DLGAP1: variants seen among roughly 807,000 people sequenced by gnomAD.
DLGAP1 encodes disks large-associated protein 1.
In DLGAP1, 11 loss-of-function variants were observed where a neutral mutation model predicts 90.8. The ratio of observed to expected loss-of-function variants is 0.12; its 90% CI spans 0.08 to 0.20. The LOEUF (loss-of-function observed/expected upper bound fraction) is 0.20. Ranked by LOEUF, DLGAP1 falls within the 10% of genes least tolerant of loss-of-function variation. The probability of loss-of-function intolerance (pLI) is 1.00; values close to 1 mark genes in which losing one functional copy is unlikely to be tolerated. For missense variants in DLGAP1, 1,050 were observed against 1,333.8 expected, an observed-to-expected ratio of 0.79 and a Z score of 3.31; for synonymous variants, 558 against 540.7, an observed-to-expected ratio of 1.03 and a Z score of -0.44.
intron 1 of DLGAP1, among the ~76,000 whole-genome samples, chr18:4,172,335 T>C (rs1179259355): frequency 1.3e-5 from 2 of 152,210 alleles, no homozygotes; most frequent in African/African-American, 4.8e-5. Flanking sequence ...GATAACTACA[T>C]AAATGCCAAT....
chr18:3,706,795 CAAGT>C (rs750416731), intron 7 of DLGAP1, among the ~76,000 whole-genome samples: 7 of 151,694 alleles, frequency 4.6e-5, no homozygotes, highest in Non-Finnish European at 8.8e-5. Flanking sequence ...TTACTAGGGG[CAAGT>C]AAGCAAGAAA....
chr18:3,587,599 C>T (rs1431989216), intron 7 of DLGAP1, among the ~76,000 whole-genome samples: 2 of 152,190 alleles, frequency 1.3e-5, no homozygotes, highest in African/African-American at 2.4e-5. Context: ...GCAGCAATCC[C>T]GCTTGGGTCC....
intron 7 of DLGAP1, among the ~76,000 whole-genome samples, chr18:3,617,969 G>A (rs747857811): frequency 8.5e-5 from 13 of 152,150 alleles, no homozygotes; most frequent in Non-Finnish European, 1.3e-4. Flanking sequence ...CCCGGGAGGC[G>A]GAGGTTGCTG....
intron 2 of DLGAP1, among the ~76,000 whole-genome samples, chr18:4,090,550 T>A (rs1190332507): frequency 6.6e-6 from 1 of 152,166 alleles, no homozygotes; most frequent in African/African-American, 2.4e-5. Flanking sequence ...TGAGATACCA[T>A]CTCATGCCAG....
At position 3,498,915 on chromosome 18, in the gene DLGAP1, A is replaced by G. The variant is rs757461241; in HGVS notation, c.*270T>C. The G allele has an allele frequency of 2.7e-5, 13 of 474,002 alleles. No individual in the cohort carries two copies. Among genetic ancestry groups the G allele is most frequent in the Admixed American group, 7.9e-5 (2 of 25,298 alleles). The allele number at this position is 474,002 out of a possible 1,614,324, so 29.4% of individuals were successfully genotyped here. On this transcript the variant is annotated 3_prime_UTR_variant, in exon 13 of 13. Coordinates refer to ENST00000315677, the MANE Select transcript of DLGAP1 (RefSeq NM_004746.4). ...GTGGGTTTGGCTTTGCCCAGAAAAT[A>G]AAGGGTTGGATCTCAGTATGAGGCA...
intron 4 of DLGAP1, among the ~76,000 whole-genome samples, chr18:3,818,416 G>A (rs1037196750): frequency 2.2e-5 from 3 of 134,178 alleles, no homozygotes; most frequent in Non-Finnish European, 4.6e-5. Flanking sequence ...CTGGAGTGCA[G>A]TGGCGTGATC....
At chr18:3,808,982 T>C (rs1439315887) in intron 5 of DLGAP1, among the ~76,000 whole-genome samples, 1 of 152,224 alleles carries the variant, frequency 6.6e-6, no homozygotes, top group African/African-American at 2.4e-5. Context: ...CTTCCTTTTG[T>C]CTTTAAACTG....
At chr18:3,805,688 T>C (rs564002917) in intron 5 of DLGAP1, among the ~76,000 whole-genome samples, 48 of 152,290 alleles carry the variant, frequency 3.2e-4, no homozygotes, top group African/African-American at 1.1e-3. Flanking sequence ...GATCAGACGA[T>C]GGTGCAGATC....
intron 5 of DLGAP1, among the ~76,000 whole-genome samples, chr18:3,795,307 C>T (rs2065935118): frequency 6.6e-6 from 1 of 152,006 alleles, no homozygotes; most frequent in Non-Finnish European, 1.5e-5. Context: ...TTGTCCTCAT[C>T]TGTTTTCTTT....
rs374291433 is a variant in DLGAP1, at chr18:4,295,987, T to G, written c.-266-144700A>C. On this transcript the variant is annotated intron_variant, in intron 1 of 12. Transcript: ENST00000315677. ...GAGCCAGTCATCTATTCTCACTGGA[T>G]TACACCATTGCAACATCAAGGAAAC... is the stretch of plus-strand genomic sequence containing the variant. Among the ~76,000 whole-genome samples, 17 of 152,300 alleles carry G rather than the reference T, an allele frequency of 1.1e-4. No individual in the cohort carries two copies. The East Asian group carries it at 3.1e-3, about 28-fold the overall frequency.
At chr18:3,703,387 T>C (rs1050138322) in intron 7 of DLGAP1, among the ~76,000 whole-genome samples, 3 of 152,192 alleles carry the variant, frequency 2.0e-5, no homozygotes, top group African/African-American at 7.2e-5. Context: ...ACATGAGAAG[T>C]ATCATAAAGA....
At chr18:4,137,958 T>C (rs1402073366) in intron 2 of DLGAP1, among the ~76,000 whole-genome samples, 1 of 152,168 alleles carries the variant, frequency 6.6e-6, no homozygotes, top group African/African-American at 2.4e-5. Context: ...TTTATGTTGA[T>C]TTTGTACCCT....
chr18:4,402,538 A>G (rs1383576683), intron 1 of DLGAP1, among the ~76,000 whole-genome samples: 1 of 152,202 alleles, frequency 6.6e-6, no homozygotes, highest in Non-Finnish European at 1.5e-5. Flanking sequence ...ACAGATGAGA[A>G]CGATTCAGAC....
In DLGAP1 at chr18:4,378,587, T is replaced by C. The variant is rs1468389552; in HGVS notation, c.-267+76419A>G. 6.6e-6 allele frequency among the ~76,000 whole-genome samples: 1 copy of C among 152,042 alleles called. No individual in the cohort carries two copies. Among genetic ancestry groups the C allele is most frequent in the East Asian group, 1.9e-4 (1 of 5,168 alleles). ...CCAAAATCAACAAATAAAATCAAGC[T>C]CTTAGAGTGCTTAAGAATCCATGGT... On this transcript the variant is annotated intron_variant, in intron 1 of 12. Coordinates refer to ENST00000315677, the MANE Select transcript of DLGAP1 (RefSeq NM_004746.4). The surrounding 1 kb of genome is among the most constrained non-coding windows in gnomAD (Gnocchi z 4.5).
rs2062308783 is a variant in DLGAP1, at chr18:3,729,078, G to A, written c.1591+57C>T. 1 of 1,546,684 alleles carries A rather than the reference G, an allele frequency of 6.5e-7. No individual in the cohort carries two copies. Among genetic ancestry groups the A allele is most frequent in the East Asian group, 2.3e-5 (1 of 44,100 alleles). Reference sequence around the variant, plus strand: ...TGACAGCAAGGGCACAGTCTTTGGGGACAGTCGTGCCATAGCCAGCACAGG... The same window carrying A: ...TGACAGCAAGGGCACAGTCTTTGGGAACAGTCGTGCCATAGCCAGCACAGG... On this transcript the variant is annotated intron_variant, in intron 7 of 12. Transcript: ENST00000315677. The surrounding 1 kb of genome is among the most constrained non-coding windows in gnomAD (Gnocchi z 6.2).
At chr18:4,363,037 C>T (rs765361673) in intron 1 of DLGAP1, among the ~76,000 whole-genome samples, 1 of 152,050 alleles carries the variant, frequency 6.6e-6, no homozygotes, top group Non-Finnish European at 1.5e-5. Flanking sequence ...CACAGCTAAC[C>T]TGCGTTTGCA....
chr18:4,146,811 G>T (rs1052434630), intron 2 of DLGAP1, among the ~76,000 whole-genome samples: 1 of 152,050 alleles, frequency 6.6e-6, no homozygotes, highest in African/African-American at 2.4e-5. Flanking sequence ...TCATGAGTGC[G>T]TTCTGAGGTT....
In DLGAP1 at chr18:3,620,959, C is replaced by A. The variant is rs1465377177; in HGVS notation, c.1592-38711G>T. 4.6e-5 allele frequency among the ~76,000 whole-genome samples: 7 copies of A among 152,268 alleles called. No homozygotes were observed. The East Asian group carries it at 1.4e-3, about 29-fold the overall frequency. On this transcript the variant is annotated intron_variant, in intron 7 of 12. Coordinates refer to ENST00000315677, the MANE Select transcript of DLGAP1 (RefSeq NM_004746.4). ...TGGTTCCCAGAGGTTGGTCTCCCAC[C>A]AGTAGTGTCAGCACCTGGGAACACG... is the stretch of plus-strand genomic sequence containing the variant.
chr18:3,599,128 T>C (rs1340995923), intron 7 of DLGAP1, among the ~76,000 whole-genome samples: 3 of 152,188 alleles, frequency 2.0e-5, no homozygotes, highest in African/African-American at 7.2e-5. Flanking sequence ...TTGCCAAAAT[T>C]AAATAAAAAC....
Sources: gnomAD v4.1 joint callset for allele counts (sites outside exome capture counted in the v4.1 genomes callset) on GRCh38, gnomAD v4.1.1 for gene constraint, Gnocchi (gnomAD v3.1) non-coding constraint, MANE v1.5 for transcripts, NCBI Gene and HGNC (gene_info 2026-07-23, HGNC 2026-07-21) for gene names.